Variants in PRKD1 observed in about 807,000 individuals in gnomAD.
PRKD1 encodes the protein serine/threonine-protein kinase D1.
PRKD1 carries 63 observed loss-of-function variants against 95.9 expected under a neutral mutation model. The ratio of observed to expected loss-of-function variants is 0.66; its 90% CI spans 0.54 to 0.81. The LOEUF (loss-of-function observed/expected upper bound fraction) is 0.81. Among genes scored for constraint, PRKD1 ranks in the 30% least tolerant of loss-of-function variants. The pLI, the probability that PRKD1 is intolerant of heterozygous loss-of-function variation, is 0.00. For missense variants in PRKD1, 1,048 were observed against 1,165.3 expected, an observed-to-expected ratio of 0.90 and a Z score of 1.47; for synonymous variants, 425 against 423.1, an observed-to-expected ratio of 1.00 and a Z score of -0.05.
At chr14:29,644,703 C>T (rs1041774349) in intron 4 of PRKD1, among the ~76,000 whole-genome samples, 10 of 151,750 alleles carry the variant, frequency 6.6e-5, no homozygotes, top group Admixed American at 3.3e-4. Flanking sequence ...CTAGTTCAGC[C>T]GAAGACCTTT....
chr14:29,741,164 G>C (rs1886964724), intron 1 of PRKD1, among the ~76,000 whole-genome samples: 1 of 152,062 alleles, frequency 6.6e-6, no homozygotes, highest in Non-Finnish European at 1.5e-5. Context: ...TTAGGTACTA[G>C]GCTTAGTACC....
chr14:29,839,201 A>C (rs1324707176), intron 1 of PRKD1, among the ~76,000 whole-genome samples: 1 of 152,186 alleles, frequency 6.6e-6, no homozygotes, highest in African/African-American at 2.4e-5. Context: ...TTCTTACTGA[A>C]AAATTAAAGT....
chr14:29,649,303 A>G (rs1442070855), intron 4 of PRKD1, among the ~76,000 whole-genome samples: 1 of 152,110 alleles, frequency 6.6e-6, no homozygotes, highest in Non-Finnish European at 1.5e-5. Context: ...ATTGGATTGT[A>G]AGGAGGAGGG....
At chr14:29,814,597 C>G (rs1233530505) in intron 1 of PRKD1, among the ~76,000 whole-genome samples, 6 of 152,174 alleles carry the variant, frequency 3.9e-5, no homozygotes, top group Middle Eastern at 3.2e-3. Context: ...GCAGTCTGCA[C>G]AGCTGACTTT....
intron 1 of PRKD1, among the ~76,000 whole-genome samples, chr14:29,887,282 A>C (rs1893745231): frequency 6.6e-6 from 1 of 152,192 alleles, no homozygotes; most frequent in Admixed American, 6.5e-5. Flanking sequence ...CTCTGGCACA[A>C]AGATGGTCAA....
chr14:29,809,326 A>G (rs1377745884), intron 1 of PRKD1, among the ~76,000 whole-genome samples: 2 of 152,232 alleles, frequency 1.3e-5, no homozygotes, highest in African/African-American at 2.4e-5. Flanking sequence ...TAAAGTTACC[A>G]GCTGCTTTAG....
chr14:29,625,069 T>C (rs1300155950), intron 12 of PRKD1, among the ~76,000 whole-genome samples: 5 of 152,188 alleles, frequency 3.3e-5, no homozygotes, highest in South Asian at 2.1e-4. Flanking sequence ...ACAAACTAAC[T>C]TGAAATTCCA....
intron 1 of PRKD1, among the ~76,000 whole-genome samples, chr14:29,905,273 G>A (rs752416083): frequency 1.8e-4 from 28 of 152,090 alleles, no homozygotes; most frequent in Admixed American, 5.2e-4. Context: ...CAAGAGGGCC[G>A]GAACCTGGAC....
At chr14:29,648,608 CTG>C (rs1445754546) in intron 4 of PRKD1, among the ~76,000 whole-genome samples, 2 of 152,170 alleles carry the variant, frequency 1.3e-5, no homozygotes, top group Non-Finnish European at 2.9e-5. Flanking sequence ...CTTATAAATG[CTG>C]TGTTTACCAT....
chr14:29,835,156 A>G (rs1891563430), intron 1 of PRKD1, among the ~76,000 whole-genome samples: 2 of 110,268 alleles, frequency 1.8e-5, no homozygotes, highest in African/African-American at 7.3e-5. Context: ...TGCTGTTCAT[A>G]TACTGAAAAA....
chr14:29,738,954 G>C (rs1175080828), intron 1 of PRKD1, among the ~76,000 whole-genome samples: 3 of 151,804 alleles, frequency 2.0e-5, no homozygotes, highest in Admixed American at 2.0e-4. Flanking sequence ...TTCTGCCTCA[G>C]CCTCTGGTGT....
chr14:29,605,327 A>T (rs922045557), intron 13 of PRKD1, among the ~76,000 whole-genome samples: 1 of 152,030 alleles, frequency 6.6e-6, no homozygotes, highest in Non-Finnish European at 1.5e-5. Flanking sequence ...AACCCTTCAA[A>T]ATCAGCTCCT....
chr14:29,609,716 T>TTA (rs113530548), intron 13 of PRKD1, among the ~76,000 whole-genome samples: 19,955 of 141,438 alleles, frequency 0.14, 1,710 homozygotes, highest in Non-Finnish European at 0.16. Context: ...ATTTCTTTAT[T>TTA]TTTTTTTTTT....
chr14:29,682,107 C>T (rs1250687617), intron 2 of PRKD1, among the ~76,000 whole-genome samples: 2 of 152,150 alleles, frequency 1.3e-5, no homozygotes, highest in Non-Finnish European at 2.9e-5. Flanking sequence ...TCGACTGAAT[C>T]ATAAAGTGTA....
rs527465042 is a variant in PRKD1 at position 29,912,076 on chromosome 14, T to G, written c.264+15173A>C. Among the ~76,000 whole-genome samples the G allele has an allele frequency of 1.5e-4, 23 of 152,312 alleles. No individual in the cohort carries two copies. The East Asian group carries it at 4.2e-3, about 28-fold the overall frequency. The stretch of plus-strand genomic sequence containing the variant: ...TTCTTTGAATCGCTCCTGCTCTTCA[T>G]ATTCACCTGTCTGACCTAGTTAGGA... On this transcript the variant is annotated intron_variant, in intron 1 of 17. Coordinates refer to ENST00000331968, the MANE Select transcript of PRKD1 (RefSeq NM_002742.3).
chr14:29,599,107 G>A lies in PRKD1; in HGVS notation c.2086C>T (p.His696Tyr). The change falls in exon 15 of 18, where the codon CAC becomes TAC. Residue 696 changes from histidine to tyrosine, a missense_variant. His to Tyr is a moderately conservative substitution (Grantham distance 83). Coordinates refer to ENST00000331968, the MANE Select transcript of PRKD1 (RefSeq NM_002742.3). ...LITQILVALR[H>Y]LHFKNIVHCD... ...TGAACGATATTTTTAAAATGAAGGT[G>A]CCGCAAAGCCACGAGTATCTGTAAA... 6.2e-7 allele frequency: 1 copy of A among 1,613,362 alleles called. No homozygotes were observed. Among genetic ancestry groups the A allele is most frequent in the Non-Finnish European group, 8.5e-7 (1 of 1,179,516 alleles).
At chr14:29,788,923 A>G (rs1394695759) in intron 1 of PRKD1, among the ~76,000 whole-genome samples, 1 of 151,918 alleles carries the variant, frequency 6.6e-6, no homozygotes, top group East Asian at 1.9e-4. Flanking sequence ...ATCTCACTCT[A>G]TCACTCAGGC....
intron 2 of PRKD1, among the ~76,000 whole-genome samples, chr14:29,668,725 C>A (rs1379386705): frequency 6.6e-6 from 1 of 152,114 alleles, no homozygotes; most frequent in Non-Finnish European, 1.5e-5. Flanking sequence ...AAAATAACGA[C>A]AGATCTTCCA....
rs1295483716 is a variant in PRKD1, at chr14:29,909,435, C to T, written c.264+17814G>A. 4.6e-5 allele frequency among the ~76,000 whole-genome samples: 7 copies of T among 152,306 alleles called. No individual in the cohort carries two copies. In the South Asian group the frequency reaches 1.2e-3, roughly 27 times the overall value. On this transcript the variant is annotated intron_variant, in intron 1 of 17. Coordinates refer to ENST00000331968, the MANE Select transcript of PRKD1 (RefSeq NM_002742.3). ...GACTGACAGGCAGCTCCACCTGCGG[C>T]CTGGGTGCAGGATCCACTAGGTGAA...
Sources: allele counts gnomAD v4.1 joint callset (sites outside exome capture counted in the v4.1 genomes callset), GRCh38; gene constraint gnomAD v4.1.1; transcripts MANE v1.5; gene names NCBI Gene and HGNC (gene_info 2026-07-23, HGNC 2026-07-21).